ENAH: variants seen among roughly 807,000 people sequenced by gnomAD.
ENAH encodes the protein protein enabled homolog.
ENAH carries 23 observed loss-of-function variants against 78.7 expected under a neutral mutation model. That is an observed-to-expected ratio of 0.29 (90% confidence interval 0.21 to 0.41). The LOEUF is 0.41. Among genes scored for constraint, ENAH ranks in the 10% least tolerant of loss-of-function variants. The probability of loss-of-function intolerance (pLI) is 1.00; values close to 1 mark genes in which losing one functional copy is unlikely to be tolerated. For synonymous variants in ENAH, 226 were observed against 241.0 expected (o/e 0.94, Z 0.58); for missense variants, 544 against 691.0 (o/e 0.79, Z 2.39).
At chr1:225,532,136 G>A (rs1186318894) in intron 3 of ENAH, among the ~76,000 whole-genome samples, 1 of 151,898 alleles carries the variant, frequency 6.6e-6, no homozygotes, top group Non-Finnish European at 1.5e-5. Context: ...TCTTTTCTTG[G>A]GAAATTAAAA....
intron 11 of ENAH, among the ~76,000 whole-genome samples, chr1:225,505,348 A>T (rs1028503841): frequency 2.6e-5 from 4 of 152,206 alleles, no homozygotes; most frequent in African/African-American, 9.6e-5. Context: ...GGAGGCATGT[A>T]AAGGACTAGT....
intron 10 of ENAH, among the ~76,000 whole-genome samples, chr1:225,510,277 TG>T (rs1331405070): frequency 2.0e-5 from 3 of 152,206 alleles, no homozygotes; most frequent in African/African-American, 2.4e-5. Flanking sequence ...ATTTTTAACT[TG>T]GAGTCCATGG....
At chr1:225,563,157 T>C (rs772595774) in intron 2 of ENAH, among the ~76,000 whole-genome samples, 5 of 152,218 alleles carry the variant, frequency 3.3e-5, no homozygotes, top group Admixed American at 6.5e-5. Context: ...GCAACCTCAC[T>C]GAAAATCTTG....
chr1:225,608,553 C>T (rs993923776), intron 1 of ENAH, among the ~76,000 whole-genome samples: 3 of 151,818 alleles, frequency 2.0e-5, no homozygotes, highest in Admixed American at 6.6e-5. Context: ...CCGTGGCTCA[C>T]GCCTGTAATC....
intron 3 of ENAH, among the ~76,000 whole-genome samples, chr1:225,545,724 C>T (rs958745904): frequency 1.3e-5 from 2 of 152,052 alleles, no homozygotes; most frequent in Admixed American, 6.6e-5. Flanking sequence ...ATCCTTGAAA[C>T]GGTCCAGAAG....
At chr1:225,533,539 T>C (rs1271271941) in intron 3 of ENAH, among the ~76,000 whole-genome samples, 1 of 152,138 alleles carries the variant, frequency 6.6e-6, no homozygotes, top group Non-Finnish European at 1.5e-5. Flanking sequence ...CTTTCTATGT[T>C]ATCATAAAGA....
At chr1:225,512,433 G>A (rs2096384447) in intron 9 of ENAH, among the ~76,000 whole-genome samples, 1 of 152,168 alleles carries the variant, frequency 6.6e-6, no homozygotes, top group African/African-American at 2.4e-5. Context: ...GAACTTCAAT[G>A]CTTTTCCCAT....
In ENAH at chr1:225,497,812, G is replaced by A; in HGVS notation, c.1676C>T (p.Ala559Val). Residue 559 changes from alanine (A) to valine (V), a missense_variant and splice_region_variant, in exon 14 of 14, where the codon GCA becomes GTA. Physicochemically the swap from Ala to Val is moderately conservative, Grantham distance 64. Around this residue, in one of 4 missense-constraint regions of ENAH, gnomAD observed 97 missense variants for 124.4 expected, o/e 0.78. Coordinates refer to ENST00000366843, the MANE Select transcript of ENAH (RefSeq NM_018212.6). ...LTKLKEELID[A>V]IRQELSKSNT... ...TGACTTGCTCAGTTCCTGCCTGATTGCTGGATGGAAAAGAACAAGTATTGA... is the reference window on the plus strand; with the variant it reads ...TGACTTGCTCAGTTCCTGCCTGATTACTGGATGGAAAAGAACAAGTATTGA... 2 of 1,611,656 alleles carry A rather than the reference G, an allele frequency of 1.2e-6. No homozygotes were observed. The highest frequency in any genetic ancestry group is 1.7e-6 in the Non-Finnish European group (2 of 1,178,652).
chr1:225,650,213 CCT>C (rs1045443019), intron 1 of ENAH, among the ~76,000 whole-genome samples: 1 of 152,082 alleles, frequency 6.6e-6, no homozygotes, highest in Non-Finnish European at 1.5e-5. Flanking sequence ...AAAAGCTGAC[CCT>C]CTTTCCTGCT....
intron 1 of ENAH, among the ~76,000 whole-genome samples, chr1:225,625,664 T>G (rs909816753): frequency 6.6e-6 from 1 of 152,094 alleles, no homozygotes; most frequent in Non-Finnish European, 1.5e-5. Context: ...TACAGGCATG[T>G]GCCAACGTGC....
intron 2 of ENAH, among the ~76,000 whole-genome samples, chr1:225,565,083 T>C (rs1295965450): frequency 6.6e-6 from 1 of 152,232 alleles, no homozygotes; most frequent in Non-Finnish European, 1.5e-5. Context: ...AGTCATAGGA[T>C]AGTTTACTTC....
intron 1 of ENAH, among the ~76,000 whole-genome samples, chr1:225,615,651 C>T (rs1248420734): frequency 6.6e-6 from 1 of 150,980 alleles, no homozygotes; most frequent in East Asian, 2.0e-4. Context: ...GCCTCTGCCC[C>T]GCCACCCCGT....
chr1:225,563,624 A>G (rs1400377049), intron 2 of ENAH, among the ~76,000 whole-genome samples: 1 of 152,150 alleles, frequency 6.6e-6, no homozygotes, highest in Non-Finnish European at 1.5e-5. Flanking sequence ...GATAAGCCCT[A>G]TTTGATCAAG....
chr1:225,645,573 T>C (rs548872190), intron 1 of ENAH, among the ~76,000 whole-genome samples: 2 of 152,346 alleles, frequency 1.3e-5, no homozygotes, highest in South Asian at 2.1e-4. Context: ...GATAACTCTA[T>C]GTTTAACTTT....
Position 225,491,511 on chromosome 1 carries a change from AAG to A in ENAH, c.*6262_*6263del, listed in dbSNP as rs1432583521. 1.3e-5 allele frequency: 2 copies of A among 151,396 alleles called. No homozygotes were observed. Among genetic ancestry groups the A allele is most frequent in the African/African-American group, 2.4e-5 (1 of 40,984 alleles). The allele number at this position is 151,396 out of a possible 1,614,324, so 9.4% of individuals were successfully genotyped here. On this transcript the variant is annotated 3_prime_UTR_variant, in exon 14 of 14. Transcript: ENST00000366843. ...AAATAAAAGAAAAAGAAAAAAAGAA[AAG>A]AGGTTTCACAGATGTGACTAAAGCA... is the stretch of plus-strand genomic sequence containing the variant.
At chr1:225,522,363 A>C (rs1269403577) in intron 4 of ENAH, among the ~76,000 whole-genome samples, 1 of 152,182 alleles carries the variant, frequency 6.6e-6, no homozygotes, top group Non-Finnish European at 1.5e-5. Context: ...TCCTGGACAT[A>C]CCATCACACT....
chr1:225,564,245 G>T (rs1200631910), intron 2 of ENAH, among the ~76,000 whole-genome samples: 2 of 151,934 alleles, frequency 1.3e-5, no homozygotes, highest in Non-Finnish European at 2.9e-5. Flanking sequence ...CTCTCGAGTA[G>T]CTGGGACTAC....
rs933428362 is a variant in ENAH at position 225,492,940 on chromosome 1, T to C, written c.*4835A>G. 2.6e-5 allele frequency: 4 copies of C among 152,374 alleles called. No individual in the cohort carries two copies. The highest frequency in any genetic ancestry group is 9.6e-5 in the African/African-American group (4 of 41,596). 9.4% of individuals were successfully genotyped at this position (152,374 alleles called of 1,614,324 possible). A position where few individuals can be genotyped will look rare whatever the true frequency, so the allele number is the denominator to read the frequency against. ...AGTTAATTCTTTAGCAGTTGTCAAA[T>C]GTGTCTCCTCACCAAAAGATTTTAC... On this transcript the variant is annotated 3_prime_UTR_variant, in exon 14 of 14. Transcript: ENST00000366843.
intron 1 of ENAH, among the ~76,000 whole-genome samples, chr1:225,643,748 C>T (rs973226346): frequency 2.0e-5 from 3 of 151,990 alleles, no homozygotes; most frequent in African/African-American, 7.2e-5. Context: ...CCAGCCTGGG[C>T]AACATAGCGA....
Sources: gnomAD v4.1 joint callset for allele counts (sites outside exome capture counted in the v4.1 genomes callset) on GRCh38, gnomAD v4.1.1 for gene constraint, gnomAD v4.1.1 regional missense constraint, MANE v1.5 for transcripts, NCBI Gene and HGNC (gene_info 2026-07-23, HGNC 2026-07-21) for gene names.